PPFIA2: variants seen among roughly 807,000 people sequenced by gnomAD.
The protein encoded by PPFIA2 is PPFI scaffold protein A2, also known as liprin-alpha-2.
Under a neutral mutation model 175.5 loss-of-function variants are expected in PPFIA2, and 46 were observed. That is an observed-to-expected ratio of 0.26 (90% CI 0.21 to 0.34). The LOEUF is 0.34. PPFIA2 is among the 10% of genes least tolerant of loss of function. The probability of loss-of-function intolerance (pLI) is 1.00; values close to 1 mark genes in which losing one functional copy is unlikely to be tolerated. For synonymous variants in PPFIA2, 568 were observed against 511.4 expected (o/e 1.11, Z -1.49); for missense variants, 1,179 against 1,506.1 (o/e 0.78, Z 3.60).
chr12:81,331,926 A>G (rs2056208453), intron 21 of PPFIA2, among the ~76,000 whole-genome samples: 1 of 152,168 alleles, frequency 6.6e-6, no homozygotes, highest in Admixed American at 6.6e-5. Flanking sequence ...TGTAATTATT[A>G]GTAGAGCTCT....
At chr12:81,532,300 T>C (rs577239737) in intron 4 of PPFIA2, among the ~76,000 whole-genome samples, 33 of 151,772 alleles carry the variant, frequency 2.2e-4, no homozygotes, top group African/African-American at 7.7e-4. Flanking sequence ...AGTCTATTTG[T>C]AGAAATAGGA....
chr12:81,337,859 A>T (rs2057370239), intron 21 of PPFIA2, among the ~76,000 whole-genome samples: 1 of 152,144 alleles, frequency 6.6e-6, no homozygotes, highest in African/African-American at 2.4e-5. Context: ...ATTTTAAAAT[A>T]ATGTCTGGCA....
At chr12:81,365,149 G>T (rs2032734481) in intron 14 of PPFIA2, among the ~76,000 whole-genome samples, 1 of 151,760 alleles carries the variant, frequency 6.6e-6, no homozygotes, top group Non-Finnish European at 1.5e-5. Context: ...TCAGAGAGAA[G>T]AAAGGAAAGC....
At chr12:81,441,381 TATTA>T (rs1223074358) in intron 6 of PPFIA2, among the ~76,000 whole-genome samples, 1 of 152,058 alleles carries the variant, frequency 6.6e-6, no homozygotes, top group Admixed American at 6.5e-5. Context: ...GGGGTTTTAA[TATTA>T]ATTATATTTT....
At position 81,695,380 on chromosome 12, in the gene PPFIA2, C is replaced by A. The variant is rs142427227; in HGVS notation, c.250-18536G>T. Among the ~76,000 whole-genome samples the A allele has an allele frequency of 1.6e-3, 248 of 152,122 alleles. 1 individual carries two copies. The highest frequency in any genetic ancestry group is 5.7e-3 in the African/African-American group (237 of 41,518). ...GTGTCTTTGTGGTAGTAAGCTCTTG[C>A]GAGATCTGGTCATTTAAAATGTGGC... On this transcript the variant is annotated intron_variant, in intron 3 of 32. Transcript: ENST00000549396.
intron 27 of PPFIA2, among the ~76,000 whole-genome samples, chr12:81,281,010 A>G (rs999801636): frequency 2.0e-5 from 3 of 152,088 alleles, no homozygotes; most frequent in Non-Finnish European, 1.5e-5. Flanking sequence ...TGTATGCTCT[A>G]TGAGGAGAAT....
chr12:81,688,630 C>T (rs986409535), intron 3 of PPFIA2, among the ~76,000 whole-genome samples: 3 of 150,486 alleles, frequency 2.0e-5, no homozygotes, highest in African/African-American at 4.9e-5. Flanking sequence ...ATTAGCCTAT[C>T]GGAAGTGATT....
At chr12:81,462,570 G>GTATATATATA (rs1254816940) in intron 4 of PPFIA2, among the ~76,000 whole-genome samples, 4 of 74,178 alleles carry the variant, frequency 5.4e-5, no homozygotes, top group African/African-American at 1.6e-4. Flanking sequence ...ATATATATGT[G>GTATATATATA]TATATATATA....
At chr12:81,519,971 C>T (rs2148023025) in intron 4 of PPFIA2, among the ~76,000 whole-genome samples, 1 of 152,188 alleles carries the variant, frequency 6.6e-6, no homozygotes, top group East Asian at 1.9e-4. Context: ...ATTATAACAA[C>T]ATACTCTAAT....
At chr12:81,626,329 T>A (rs943922808) in intron 4 of PPFIA2, among the ~76,000 whole-genome samples, 13 of 151,984 alleles carry the variant, frequency 8.6e-5, no homozygotes. Flanking sequence ...TATTTTCTTC[T>A]AAAGTGGCCT....
At chr12:81,554,041 G>A (rs541277970) in intron 4 of PPFIA2, among the ~76,000 whole-genome samples, 39 of 151,912 alleles carry the variant, frequency 2.6e-4, no homozygotes, top group Admixed American at 1.2e-3. Context: ...GCTAGAAATG[G>A]GGATTTGATC....
intron 4 of PPFIA2, among the ~76,000 whole-genome samples, chr12:81,461,996 A>G (rs1419644036): frequency 6.6e-6 from 1 of 151,846 alleles, no homozygotes. Context: ...TTCCTGGAAA[A>G]TTAAGTAAAC....
intron 7 of PPFIA2, among the ~76,000 whole-genome samples, chr12:81,414,559 T>C (rs2044593290): frequency 2.0e-5 from 3 of 151,864 alleles, no homozygotes; most frequent in Admixed American, 2.0e-4. Flanking sequence ...TGTCTCTACT[T>C]ATTTAACAAC....
intron 24 of PPFIA2, among the ~76,000 whole-genome samples, chr12:81,290,632 T>C (rs1399113033): frequency 6.6e-6 from 1 of 151,802 alleles, no homozygotes; most frequent in Non-Finnish European, 1.5e-5. Context: ...TTAATATAAA[T>C]ACCAGATTAA....
chr12:81,744,522 A>C (rs905198383), intron 3 of PPFIA2, among the ~76,000 whole-genome samples: 2 of 151,254 alleles, frequency 1.3e-5, no homozygotes, highest in African/African-American at 2.4e-5. Context: ...TCCCGGGTTC[A>C]AGCGATTCTC....
chr12:81,679,948 A>C (rs2073296680), intron 3 of PPFIA2, among the ~76,000 whole-genome samples: 1 of 152,002 alleles, frequency 6.6e-6, no homozygotes, highest in Non-Finnish European at 1.5e-5. Flanking sequence ...AATGATAACT[A>C]AAAGTGAGTC....
intron 24 of PPFIA2, among the ~76,000 whole-genome samples, chr12:81,288,998 G>A (rs980834311): frequency 2.0e-5 from 3 of 151,836 alleles, no homozygotes; most frequent in Non-Finnish European, 4.4e-5. Context: ...GGAAGCAGAA[G>A]CAGGAGAATG....
intron 3 of PPFIA2, among the ~76,000 whole-genome samples, chr12:81,688,300 A>C (rs1185832043): frequency 6.6e-6 from 1 of 151,920 alleles, no homozygotes; most frequent in African/African-American, 2.4e-5. Flanking sequence ...GGAAGCTTTA[A>C]GTAGGTTAGA....
intron 27 of PPFIA2, among the ~76,000 whole-genome samples, chr12:81,278,652 G>A (rs1298457443): frequency 6.6e-6 from 1 of 152,094 alleles, no homozygotes; most frequent in East Asian, 1.9e-4. Context: ...GTTCAGTTCT[G>A]CCAAAATAGG....
Sources: gnomAD v4.1 joint callset for allele counts (sites outside exome capture counted in the v4.1 genomes callset) on GRCh38, gnomAD v4.1.1 for gene constraint, MANE v1.5 for transcripts, NCBI Gene and HGNC (gene_info 2026-07-23, HGNC 2026-07-21) for gene names.